CNTNAP5: variants seen among roughly 807,000 people sequenced by gnomAD.
CNTNAP5 encodes the protein contactin-associated protein-like 5.
CNTNAP5 carries 72 observed loss-of-function variants against 150.2 expected under a neutral mutation model. The ratio of observed to expected loss-of-function variants is 0.48; its 90% CI spans 0.40 to 0.58. CNTNAP5 has a LOEUF of 0.58. CNTNAP5 is among the 20% of genes least tolerant of loss of function. CNTNAP5 has a pLI of 0.00. For synonymous variants in CNTNAP5, 672 were observed against 619.8 expected (o/e 1.08, Z -1.25); for missense variants, 1,636 against 1,626.2 (o/e 1.01, Z -0.10).
intron 1 of CNTNAP5, among the ~76,000 whole-genome samples, chr2:124,167,859 G>A (rs1165992572): frequency 6.6e-6 from 1 of 152,160 alleles, no homozygotes; most frequent in Non-Finnish European, 1.5e-5. Context: ...AGTGGTGCAA[G>A]GCTGAGGCAG....
chr2:124,081,046 C>A (rs1682549572), intron 1 of CNTNAP5, among the ~76,000 whole-genome samples: 1 of 152,114 alleles, frequency 6.6e-6, no homozygotes, highest in Admixed American at 6.5e-5. Flanking sequence ...AGTCATAAAT[C>A]ATCTGGACTT....
intron 3 of CNTNAP5, among the ~76,000 whole-genome samples, chr2:124,280,957 T>C (rs1049635620): frequency 2.6e-5 from 4 of 152,172 alleles, no homozygotes; most frequent in African/African-American, 9.6e-5. Flanking sequence ...CTAAATAGGA[T>C]ACCAAGATAT....
At chr2:124,156,151 T>TAC (rs1377599370) in intron 1 of CNTNAP5, among the ~76,000 whole-genome samples, 2 of 152,224 alleles carry the variant, frequency 1.3e-5, no homozygotes, top group Non-Finnish European at 2.9e-5. Context: ...GTTAAGGCTT[T>TAC]GAGAAGCTCA....
intron 3 of CNTNAP5, among the ~76,000 whole-genome samples, chr2:124,341,039 C>T (rs1158674417): frequency 6.6e-6 from 1 of 151,770 alleles, no homozygotes; most frequent in Non-Finnish European, 1.5e-5. Context: ...GACTGTGCCA[C>T]TGCACTCCAG....
At chr2:124,542,386 A>G (rs1458118471) in intron 10 of CNTNAP5, among the ~76,000 whole-genome samples, 1 of 151,640 alleles carries the variant, frequency 6.6e-6, no homozygotes, top group Admixed American at 6.6e-5. Flanking sequence ...ACATCTTACA[A>G]AGGGAAGTTA....
intron 13 of CNTNAP5, among the ~76,000 whole-genome samples, chr2:124,707,253 C>T (rs376545750): frequency 9.2e-5 from 14 of 151,992 alleles, no homozygotes; most frequent in African/African-American, 3.1e-4. Flanking sequence ...GGGCGAGAGT[C>T]CCTGCTCAGA....
intron 7 of CNTNAP5, among the ~76,000 whole-genome samples, chr2:124,480,104 A>T (rs746408926): frequency 1.3e-5 from 2 of 152,218 alleles, no homozygotes; most frequent in Admixed American, 1.3e-4. Context: ...ATAAAAGTTG[A>T]TTGGAGATAG....
At chr2:124,692,851 C>T (rs184260161) in intron 13 of CNTNAP5, among the ~76,000 whole-genome samples, 6 of 152,180 alleles carry the variant, frequency 3.9e-5, no homozygotes, top group South Asian at 2.1e-4. Flanking sequence ...GGAGAATGAG[C>T]GCCAATGGTC....
chr2:124,758,803 G>T (rs1182336156), intron 14 of CNTNAP5, among the ~76,000 whole-genome samples: 1 of 151,974 alleles, frequency 6.6e-6, no homozygotes, highest in Non-Finnish European at 1.5e-5. Context: ...GAAGGAGAAA[G>T]TGCCCTGAGA....
chr2:124,203,186 C>T (rs1685771376), intron 1 of CNTNAP5, among the ~76,000 whole-genome samples: 1 of 152,110 alleles, frequency 6.6e-6, no homozygotes, highest in Non-Finnish European at 1.5e-5. Flanking sequence ...CCATGCAAGT[C>T]CAAAATCCAG....
At chr2:124,293,883 G>C (rs116495694) in intron 3 of CNTNAP5, among the ~76,000 whole-genome samples, 11,569 of 152,206 alleles carry the variant, frequency 0.076, 596 homozygotes, top group Non-Finnish European at 0.12. Context: ...AGGAAGCAGT[G>C]AGAGTGGAGC....
At chr2:124,900,696 C>T (rs1024184414) in intron 21 of CNTNAP5, among the ~76,000 whole-genome samples, 1 of 151,594 alleles carries the variant, frequency 6.6e-6, no homozygotes, top group Non-Finnish European at 1.5e-5. Flanking sequence ...CCACTGAGTC[C>T]TGGGAATGAG....
chr2:124,474,943 T>G (rs1693604131), intron 7 of CNTNAP5, 61 bp downstream of exon 7: 6 of 1,445,208 alleles, frequency 4.2e-6, no homozygotes, highest in Middle Eastern at 1.7e-4. Context: ...AGTCTTGCTT[T>G]CACCAGCCCA....
At chr2:124,281,558 G>A (rs1208269153) in intron 3 of CNTNAP5, among the ~76,000 whole-genome samples, 1 of 152,120 alleles carries the variant, frequency 6.6e-6, no homozygotes, top group African/African-American at 2.4e-5. Context: ...GTCTTGTTAT[G>A]TTTTTACACA....
chr2:124,183,521 A>T (rs758810581), intron 1 of CNTNAP5, among the ~76,000 whole-genome samples: 15 of 152,196 alleles, frequency 9.9e-5, no homozygotes, highest in South Asian at 6.2e-4. Context: ...ATTATATTGC[A>T]CAAGGTTGAA....
At chr2:124,369,368 T>A (rs1690460144) in intron 3 of CNTNAP5, among the ~76,000 whole-genome samples, 2 of 152,100 alleles carry the variant, frequency 1.3e-5, no homozygotes, top group African/African-American at 4.8e-5. Context: ...AATCATCTAA[T>A]CTCGTGGTTC....
chr2:124,446,727 A>T, intron 5 of CNTNAP5, 26 bp from the exon 6 acceptor site: 1 of 1,606,014 alleles, frequency 6.2e-7, no homozygotes, highest in Non-Finnish European at 8.5e-7. Context: ...CACAGACATC[A>T]TCTTGCCTCT....
chr2:124,663,819 T>G (rs189440397), intron 13 of CNTNAP5, among the ~76,000 whole-genome samples: 3 of 152,114 alleles, frequency 2.0e-5, no homozygotes, highest in African/African-American at 7.2e-5. Context: ...CTATTTAAAA[T>G]AGCAACATTC....
intron 22 of CNTNAP5, among the ~76,000 whole-genome samples, chr2:124,910,368 G>A (rs757609792): frequency 9.9e-5 from 15 of 152,130 alleles, no homozygotes; most frequent in East Asian, 1.9e-4. Context: ...GAGCACTTAC[G>A]TTGTATCAGC....
Sources: allele counts gnomAD v4.1 joint callset (sites outside exome capture counted in the v4.1 genomes callset), GRCh38; gene constraint gnomAD v4.1.1; transcripts MANE v1.5; gene names NCBI Gene and HGNC (gene_info 2026-07-23, HGNC 2026-07-21).